LRP1B: variants seen among roughly 807,000 people sequenced by gnomAD.
The protein encoded by LRP1B is LDL receptor related protein 1B.
Under a neutral mutation model 556.6 loss-of-function variants are expected in LRP1B, and 217 were observed. That is an observed-to-expected ratio of 0.39 (90% CI 0.35 to 0.44). LRP1B has a LOEUF of 0.44. Among genes scored for constraint, LRP1B ranks in the 20% least tolerant of loss-of-function variants. The pLI is 1.00. For missense variants in LRP1B, 5,053 were observed against 5,620.8 expected (o/e 0.90, Z 3.23); for synonymous variants, 2,047 against 1,865.8 (o/e 1.10, Z -2.50).
chr2:141,736,130 G>A (rs1392661454), intron 2 of LRP1B, among the ~76,000 whole-genome samples: 3 of 152,066 alleles, frequency 2.0e-5, no homozygotes, highest in South Asian at 2.1e-4. Context: ...TGACTTAAAC[G>A]GCAGACCCTT....
intron 3 of LRP1B, among the ~76,000 whole-genome samples, chr2:141,286,404 C>T (rs1359177447): frequency 6.6e-6 from 1 of 151,998 alleles, no homozygotes; most frequent in African/African-American, 2.4e-5. Context: ...AGGCTATTTG[C>T]CATTGTTACT....
chr2:140,637,333 T>C (rs1317264264), intron 41 of LRP1B, among the ~76,000 whole-genome samples: 1 of 152,202 alleles, frequency 6.6e-6, no homozygotes, highest in Non-Finnish European at 1.5e-5. Context: ...GCTCATGCCT[T>C]AGTCAACATA....
intron 3 of LRP1B, among the ~76,000 whole-genome samples, chr2:141,268,823 T>C (rs1288753676): frequency 6.6e-6 from 1 of 152,024 alleles, no homozygotes; most frequent in African/African-American, 2.4e-5. Flanking sequence ...GAATATCAAA[T>C]TACAAATTGG....
intron 1 of LRP1B, among the ~76,000 whole-genome samples, chr2:141,914,423 G>T (rs1699980440): frequency 1.3e-5 from 2 of 151,972 alleles, no homozygotes; most frequent in Non-Finnish European, 2.9e-5. Context: ...TTCCTGACTT[G>T]AAGTGCCAGA....
chr2:140,234,378 G>A (rs1313807781), intron 90 of LRP1B, among the ~76,000 whole-genome samples: 1 of 151,094 alleles, frequency 6.6e-6, no homozygotes, highest in Non-Finnish European at 1.5e-5. Flanking sequence ...TCAATATGAT[G>A]ACACATTTTA....
rs72853386 is a variant in LRP1B, at chr2:141,186,927, A to G, written c.1013+1494T>C. 5.0e-3 allele frequency among the ~76,000 whole-genome samples: 755 copies of G among 152,142 alleles called. 5 individuals carry two copies. Among genetic ancestry groups the G allele is most frequent in the Middle Eastern group, 0.031 (9 of 294 alleles). ...AGGATAAGAGCAGTAGAAAAAGGGG[A>G]AAAACACAATAGTTTTATAGTTTCA... On this transcript the variant is annotated intron_variant, in intron 7 of 90. Coordinates refer to ENST00000389484, the MANE Select transcript of LRP1B (RefSeq NM_018557.3).
intron 3 of LRP1B, among the ~76,000 whole-genome samples, chr2:141,283,444 G>A (rs71417137): frequency 6.6e-6 from 1 of 152,008 alleles, no homozygotes; most frequent in Admixed American, 6.6e-5. Flanking sequence ...GGGAGGTGGT[G>A]AGGTGGGAAA....
chr2:141,300,108 C>G (rs1264783373), intron 3 of LRP1B, among the ~76,000 whole-genome samples: 1 of 152,122 alleles, frequency 6.6e-6, no homozygotes, highest in Non-Finnish European at 1.5e-5. Context: ...GTCTACAGTC[C>G]AGAAGGGGCC....
chr2:141,810,153 G>A lies in LRP1B; in HGVS notation c.205+126C>T, dbSNP rs1558891015. On this transcript the variant is annotated intron_variant, in intron 2 of 90. Transcript: ENST00000389484. ...AGAAAGAAAGAAAGAAAGAAAGAAA[G>A]AAAGAAAGAAAGAAGGAAAGAAAGA... 1.1e-5 allele frequency: 5 copies of A among 436,756 alleles called. No homozygotes were observed. In the African/African-American group the frequency reaches 1.6e-4, roughly 14 times the overall value. 27.1% of individuals were successfully genotyped at this position (436,756 alleles called of 1,614,324 possible).
chr2:141,088,508 G>A (rs4954692), intron 7 of LRP1B, among the ~76,000 whole-genome samples: 69,932 of 151,894 alleles, frequency 0.46, 16,916 homozygotes, highest in Middle Eastern at 0.56. Context: ...CACCTGAAAC[G>A]TGGCTGTGGC....
rs60102985 is a variant in LRP1B at position 141,336,114 on chromosome 2, C to CAA, written c.344-81475_344-81474dup. On this transcript the variant is annotated intron_variant, in intron 3 of 90. Coordinates refer to ENST00000389484, the MANE Select transcript of LRP1B (RefSeq NM_018557.3). ...TATAATGAAATATCCCAGACCTGTCCAAAAAAAAAAAAAAAAAGCAAATAA... is the reference window on the plus strand; with the variant it reads ...TATAATGAAATATCCCAGACCTGTCCAAAAAAAAAAAAAAAAAAAGCAAATAA... Among the ~76,000 whole-genome samples, 335 of 93,024 alleles carry CAA rather than the reference C, an allele frequency of 3.6e-3. 6 individuals are homozygous for CAA. Among genetic ancestry groups the CAA allele is most frequent in the Middle Eastern group, 0.015 (2 of 134 alleles). 61.0% of individuals were successfully genotyped at this position (93,024 alleles called of 152,430 possible).
At chr2:141,897,254 T>A (rs2104926372) in intron 1 of LRP1B, among the ~76,000 whole-genome samples, 1 of 152,076 alleles carries the variant, frequency 6.6e-6, no homozygotes. Flanking sequence ...AGAAAAAATG[T>A]AAAATAAAGT....
At chr2:140,776,016 T>C (rs2104949892) in intron 33 of LRP1B, 82 bp downstream of exon 33, 2 of 1,169,834 alleles carry the variant, frequency 1.7e-6, no homozygotes, top group South Asian at 2.9e-5. Flanking sequence ...TAGAAACCTT[T>C]TATTGTTGAA....
At chr2:140,943,038 C>G (rs563303369) in intron 20 of LRP1B, among the ~76,000 whole-genome samples, 1 of 152,172 alleles carries the variant, frequency 6.6e-6, no homozygotes, top group East Asian at 1.9e-4. Flanking sequence ...TTTCAACAGA[C>G]CATCTCCCAT....
intron 7 of LRP1B, among the ~76,000 whole-genome samples, chr2:141,180,033 G>T (rs1167975879): frequency 6.6e-6 from 1 of 151,256 alleles, no homozygotes; most frequent in Non-Finnish European, 1.5e-5. Flanking sequence ...GTTCTTTGTG[G>T]TGTTTGCAAA....
chr2:141,991,151 C>T (rs796614886), intron 1 of LRP1B, among the ~76,000 whole-genome samples: 1 of 151,984 alleles, frequency 6.6e-6, no homozygotes, highest in Non-Finnish European at 1.5e-5. Flanking sequence ...CACATGAAAT[C>T]TTTTACTGTG....
intron 31 of LRP1B, among the ~76,000 whole-genome samples, chr2:140,815,714 C>A (rs753608297): frequency 6.6e-6 from 1 of 151,966 alleles, no homozygotes; most frequent in Non-Finnish European, 1.5e-5. Context: ...CGTGATTCTA[C>A]AATATAAAGT....
intron 41 of LRP1B, among the ~76,000 whole-genome samples, chr2:140,643,790 C>A (rs1335945475): frequency 6.6e-6 from 1 of 152,096 alleles, no homozygotes; most frequent in Non-Finnish European, 1.5e-5. Context: ...AATGTTCATG[C>A]ATATTGAGTA....
At chr2:142,100,682 T>C (rs754870172) in intron 1 of LRP1B, among the ~76,000 whole-genome samples, 20 of 151,940 alleles carry the variant, frequency 1.3e-4, no homozygotes, top group Non-Finnish European at 2.5e-4. Context: ...AAAAGAAAAC[T>C]GCATACCTCT....
Sources: gnomAD v4.1 joint callset for allele counts (sites outside exome capture counted in the v4.1 genomes callset) on GRCh38, gnomAD v4.1.1 for gene constraint, MANE v1.5 for transcripts, NCBI Gene and HGNC (gene_info 2026-07-23, HGNC 2026-07-21) for gene names.